CNTN6: variants seen among roughly 807,000 people sequenced by gnomAD.
CNTN6 encodes contactin 6.
In CNTN6, 137 loss-of-function variants were observed where a neutral mutation model predicts 122.8. The observed-to-expected ratio is 1.12, with a 90% CI of 0.97 to 1.29. The LOEUF is 1.29. CNTN6 is among the 50% of genes most tolerant of loss of function. The pLI, the probability that CNTN6 is intolerant of heterozygous loss-of-function variation, is 0.00. For synonymous variants in CNTN6, 570 were observed against 426.0 expected (o/e 1.34, Z -4.16); for missense variants, 1,634 against 1,223.4 (o/e 1.34, Z -5.01).
In CNTN6 at chr3:1,264,380, A is replaced by G. The variant is rs117726213; in HGVS notation, c.359-14033A>G. ...TACTGTTATAGCAAATTATAATGCA[A>G]TGCAAGCAGTTCACCTCTTTGTAAA... is the stretch of plus-strand genomic sequence containing the variant. On this transcript the variant is annotated intron_variant, in intron 4 of 22. Coordinates refer to ENST00000446702, the MANE Select transcript of CNTN6 (RefSeq NM_001289080.2). 8.1e-4 allele frequency among the ~76,000 whole-genome samples: 124 copies of G among 152,260 alleles called. 1 individual carries two copies. The East Asian group carries it at 0.013, about 16-fold the overall frequency.
chr3:1,335,850 G>C (rs529221679), intron 11 of CNTN6, among the ~76,000 whole-genome samples: 88 of 152,182 alleles, frequency 5.8e-4, no homozygotes, highest in African/African-American at 2.0e-3. Context: ...GCAACATAGT[G>C]AGACCCTGTC....
intron 2 of CNTN6, among the ~76,000 whole-genome samples, chr3:1,199,227 G>A (rs1466058464): frequency 1.4e-5 from 2 of 139,278 alleles, no homozygotes; most frequent in Non-Finnish European, 1.5e-5. Context: ...CACTCAGTCT[G>A]GAGAGCAGTG....
chr3:1,157,020 T>C (rs1417189444), intron 2 of CNTN6, among the ~76,000 whole-genome samples: 1 of 151,170 alleles, frequency 6.6e-6, no homozygotes, highest in Non-Finnish European at 1.5e-5. Flanking sequence ...CTTGCCTCTT[T>C]TTTTTTTTAT....
chr3:1,278,866 C>A (rs934788465), intron 5 of CNTN6, among the ~76,000 whole-genome samples: 1 of 152,066 alleles, frequency 6.6e-6, no homozygotes, highest in Non-Finnish European at 1.5e-5. Flanking sequence ...GTTTTCTCAT[C>A]TATAAAATAG....
At chr3:1,143,030 A>T (rs1410250189) in intron 1 of CNTN6, among the ~76,000 whole-genome samples, 1 of 122,568 alleles carries the variant, frequency 8.2e-6, no homozygotes, top group Non-Finnish European at 1.7e-5. Context: ...CAATACACTT[A>T]TCATCAACCA....
chr3:1,213,365 A>G (rs2094075334), intron 2 of CNTN6, among the ~76,000 whole-genome samples: 1 of 152,098 alleles, frequency 6.6e-6, no homozygotes, highest in Non-Finnish European at 1.5e-5. Flanking sequence ...TGGAAACTTT[A>G]AAGAGATTTT....
In CNTN6 at chr3:1,372,821, T is replaced by A; in HGVS notation, c.1669-17T>A. 1 of 1,463,128 alleles carries A rather than the reference T, an allele frequency of 6.8e-7. No individual in the cohort carries two copies. Among genetic ancestry groups the A allele is most frequent in the African/African-American group, 1.4e-5 (1 of 71,288 alleles). 90.6% of individuals were successfully genotyped at this position (1,463,128 alleles called of 1,614,324 possible). A position where few individuals can be genotyped will look rare whatever the true frequency, so the allele number is the denominator to read the frequency against. ...ATGGGCTTACGTTTTTATCCATTTCTCCCTTTCTGTCTGCAGGAATCTGTT... is the reference window on the plus strand; with the variant it reads ...ATGGGCTTACGTTTTTATCCATTTCACCCTTTCTGTCTGCAGGAATCTGTT... On this transcript the variant is annotated splice_polypyrimidine_tract_variant and intron_variant, in intron 13 of 22. Transcript: ENST00000446702.
At position 1,400,814 on chromosome 3, in the gene CNTN6, A is replaced by G. The variant is rs576339915; in HGVS notation, c.2705-619A>G. ...AATGACAAAGAGGTACTCTCTGGCAAGATGAGTATACAGCAGACCCTGCTT... is the reference window on the plus strand; with the variant it reads ...AATGACAAAGAGGTACTCTCTGGCAGGATGAGTATACAGCAGACCCTGCTT... On this transcript the variant is annotated intron_variant, in intron 20 of 22. Coordinates refer to ENST00000446702, the MANE Select transcript of CNTN6 (RefSeq NM_001289080.2). Among the ~76,000 whole-genome samples, 7 of 152,230 alleles carry G rather than the reference A, an allele frequency of 4.6e-5. No individual in the cohort carries two copies. The South Asian group carries it at 1.0e-3, about 22-fold the overall frequency.
intron 1 of CNTN6, among the ~76,000 whole-genome samples, chr3:1,103,303 C>G (rs867771385): frequency 3.3e-5 from 5 of 151,964 alleles, no homozygotes; most frequent in African/African-American, 9.7e-5. Context: ...TTTTGACAGC[C>G]CTATATATAA....
intron 8 of CNTN6, among the ~76,000 whole-genome samples, chr3:1,323,904 G>A (rs265792): frequency 0.54 from 79,395 of 146,014 alleles, 23,342 homozygotes; most frequent in East Asian, 0.76. Context: ...AATGTGTTCT[G>A]TAGCCGCAAT....
intron 5 of CNTN6, among the ~76,000 whole-genome samples, chr3:1,287,579 A>C (rs1694565135): frequency 6.6e-6 from 1 of 152,170 alleles, no homozygotes; most frequent in African/African-American, 2.4e-5. Flanking sequence ...ATGAGATAAG[A>C]GTCGGTAGGA....
chr3:1,219,968 A>G (rs1471175713), intron 2 of CNTN6, among the ~76,000 whole-genome samples: 1 of 143,150 alleles, frequency 7.0e-6, no homozygotes, highest in African/African-American at 2.8e-5. Flanking sequence ...TGCCACTGCA[A>G]TTCAGCCTGT....
intron 4 of CNTN6, among the ~76,000 whole-genome samples, chr3:1,228,471 C>G (rs2094313974): frequency 6.6e-6 from 1 of 152,156 alleles, no homozygotes; most frequent in Non-Finnish European, 1.5e-5. Flanking sequence ...TTTATATTAA[C>G]TGTAACAATG....
chr3:1,329,148 A>T, intron 10 of CNTN6, among the ~76,000 whole-genome samples: 1 of 151,128 alleles, frequency 6.6e-6, no homozygotes, highest in Non-Finnish European at 1.5e-5. Context: ...CATATGTTCC[A>T]TTGCTTATAT....
At chr3:1,274,928 G>C (rs1373595913) in intron 4 of CNTN6, among the ~76,000 whole-genome samples, 2 of 151,936 alleles carry the variant, frequency 1.3e-5, no homozygotes, top group Non-Finnish European at 2.9e-5. Context: ...GTGTTTATTG[G>C]ATCTTTTATC....
chr3:1,398,357 AG>A (rs962129128), intron 20 of CNTN6, among the ~76,000 whole-genome samples: 1 of 152,182 alleles, frequency 6.6e-6, no homozygotes, highest in African/African-American at 2.4e-5. Context: ...GATAAAAATA[AG>A]AAAGGATGTA....
At chr3:1,200,921 C>T (rs1455575658) in intron 2 of CNTN6, among the ~76,000 whole-genome samples, 5 of 147,132 alleles carry the variant, frequency 3.4e-5, no homozygotes, top group Non-Finnish European at 6.1e-5. Context: ...TTGTTTCTTT[C>T]GTTCTTTTTT....
At chr3:1,365,241 G>T (rs1484049564) in intron 12 of CNTN6, among the ~76,000 whole-genome samples, 2 of 151,850 alleles carry the variant, frequency 1.3e-5, no homozygotes, top group African/African-American at 4.8e-5. Context: ...TTATCTGGAG[G>T]CAAATCCCAA....
At chr3:1,202,946 T>A (rs1359548597) in intron 2 of CNTN6, among the ~76,000 whole-genome samples, 1 of 152,220 alleles carries the variant, frequency 6.6e-6, no homozygotes, top group Non-Finnish European at 1.5e-5. Flanking sequence ...CAGTCTAGTA[T>A]AATTATGGTG....
Sources: allele counts gnomAD v4.1 joint callset (sites outside exome capture counted in the v4.1 genomes callset), GRCh38; gene constraint gnomAD v4.1.1; transcripts MANE v1.5; gene names NCBI Gene and HGNC (gene_info 2026-07-23, HGNC 2026-07-21).